Variants in PMPCB observed in about 807,000 individuals in gnomAD.
PMPCB encodes mitochondrial-processing peptidase subunit beta.
Under a neutral mutation model 61.5 loss-of-function variants are expected in PMPCB, and 46 were observed. That is an observed-to-expected ratio of 0.75 (90% CI 0.59 to 0.96). The LOEUF is 0.96. Ranked by LOEUF, PMPCB falls within the 40% of genes least tolerant of loss-of-function variation. The probability of loss-of-function intolerance (pLI) is 0.00; values close to 1 mark genes in which losing one functional copy is unlikely to be tolerated. For missense variants in PMPCB, 590 were observed against 602.4 expected (o/e 0.98, Z 0.22); for synonymous variants, 191 against 201.6 (o/e 0.95, Z 0.44).
intron 12 of PMPCB, among the ~76,000 whole-genome samples, chr7:103,323,152 A>G (rs1279875654): frequency 6.6e-6 from 1 of 151,824 alleles, no homozygotes; most frequent in Admixed American, 6.6e-5. Context: ...CTGGTCTCGC[A>G]CTCCTGACCT....
Position 103,300,282 on chromosome 7 carries a change from A to G in PMPCB, c.432A>G (p.Lys144=). ...TSREQTVYYA[K]AFSKDLPRAV... ...GAGAGCAGACTGTATACTATGCCAA[A>G]GCATTCTCTAAAGACTTGCCAAGAG... is the stretch of plus-strand genomic sequence containing the variant. The change falls in exon 4 of 13, where the codon AAA becomes AAG. Residue 144 remains lysine (K), a synonymous_variant. Coordinates refer to ENST00000249269, the MANE Select transcript of PMPCB (RefSeq NM_004279.3). 1 of 1,608,544 alleles carries G rather than the reference A, an allele frequency of 6.2e-7. No individual in the cohort carries two copies. The highest frequency in any genetic ancestry group is 1.3e-5 in the African/African-American group (1 of 74,890).
chr7:103,329,501 A>G (rs1443475230), exon 13 of PMPCB: 1 of 152,148 alleles, frequency 6.6e-6, no homozygotes, highest in African/African-American at 2.4e-5. Context: ...TTGACTGATC[A>G]TTTCTTTTGT....
intron 4 of PMPCB, among the ~76,000 whole-genome samples, chr7:103,302,288 A>G (rs1001607748): frequency 2.6e-5 from 4 of 152,164 alleles, no homozygotes; most frequent in African/African-American, 9.7e-5. Context: ...ACTTACTCTT[A>G]TTGGTAAGAA....
intron 12 of PMPCB, among the ~76,000 whole-genome samples, chr7:103,325,045 A>G (rs946846871): frequency 7.9e-5 from 12 of 152,158 alleles, no homozygotes; most frequent in Non-Finnish European, 1.5e-4. Flanking sequence ...TTCATTGATC[A>G]CTGGTGAAAA....
At position 103,297,528 on chromosome 7, in the gene PMPCB, G is replaced by C. The variant is rs1394430376; in HGVS notation, c.69G>C (p.Glu23Asp). ...AARRRLWGFSESLLIRGAAGR... is the reference protein window; with the variant it reads ...AARRRLWGFSDSLLIRGAAGR... ...GGCGGCGGCTCTGGGGTTTCAGCGA[G>C]AGTCTTCTAATCCGAGGCGCTGCGG... is the stretch of plus-strand genomic sequence containing the variant. Residue 23 changes from glutamate to aspartate, a missense_variant, in exon 1 of 13, where the codon GAG becomes GAC. By Grantham distance (45) the Glu-to-Asp change is conservative. Transcript: ENST00000249269. The C allele has an allele frequency of 1.9e-6, 3 of 1,605,356 alleles. No homozygotes were observed. Among genetic ancestry groups the C allele is most frequent in the Non-Finnish European group, 2.6e-6 (3 of 1,175,098 alleles).
chr7:103,302,506 C>G (rs1242100069), intron 4 of PMPCB, among the ~76,000 whole-genome samples: 3 of 152,190 alleles, frequency 2.0e-5, no homozygotes, highest in Non-Finnish European at 4.4e-5. Flanking sequence ...TCTTGTCCTT[C>G]CATTTGTCTA....
chr7:103,333,438 A>C (rs1460787918), downstream of PMPCB, among the ~76,000 whole-genome samples: 1 of 152,216 alleles, frequency 6.6e-6, no homozygotes, highest in African/African-American at 2.4e-5. Flanking sequence ...TAGGCTCAAA[A>C]GAATATATTT....
At chr7:103,321,312 T>C (rs1220109412) in intron 12 of PMPCB, among the ~76,000 whole-genome samples, 1 of 150,414 alleles carries the variant, frequency 6.6e-6, no homozygotes, top group Admixed American at 6.6e-5. Flanking sequence ...AGGTCAGGAG[T>C]TCAAGACCAG....
Position 103,303,932 on chromosome 7 carries a change from A to G in PMPCB, c.548A>G (p.Gln183Arg). ...RERGVILREM[Q>R]EVETNLQEVV... ...CGTGGAGTAATCCTTAGAGAGATGC[A>G]GGAAGTTGAAACCAATTTACAAGAA... Residue 183 changes from glutamine (Q) to arginine (R), a missense_variant, in exon 5 of 13, where the codon CAG (glutamine) becomes CGG (arginine). By Grantham distance (43) the Gln-to-Arg change is conservative. Coordinates refer to ENST00000249269, the MANE Select transcript of PMPCB (RefSeq NM_004279.3). The G allele has an allele frequency of 1.2e-6, 2 of 1,613,584 alleles. No homozygotes were observed. The highest frequency in any genetic ancestry group is 4.5e-5 in the East Asian group (2 of 44,862).
the PMPCB span, among the ~76,000 whole-genome samples, chr7:103,342,625 T>G: frequency 2.7e-5 from 4 of 150,814 alleles, no homozygotes; most frequent in African/African-American, 9.8e-5. Context: ...TTTTTTTTTT[T>G]TGGGACGGAG....
downstream of PMPCB, chr7:103,317,071 T>A: frequency 6.8e-7 from 1 of 1,460,908 alleles, no homozygotes; most frequent in South Asian, 1.2e-5. Context: ...TATTCTACAC[T>A]CTCTTCCTGG....
At chr7:103,301,673 A>T (rs1378355736) in intron 4 of PMPCB, among the ~76,000 whole-genome samples, 1 of 152,212 alleles carries the variant, frequency 6.6e-6, no homozygotes. Context: ...AGCAGCTCCA[A>T]CTTTGGGGAT....
chr7:103,340,925 C>T, the PMPCB span, among the ~76,000 whole-genome samples: 1 of 152,318 alleles, frequency 6.6e-6, no homozygotes, highest in Admixed American at 6.5e-5. Context: ...AACAGCACCT[C>T]CCACAAACAT....
chr7:103,323,879 T>A (rs1286398593), intron 12 of PMPCB, among the ~76,000 whole-genome samples: 1 of 152,224 alleles, frequency 6.6e-6, no homozygotes, highest in Non-Finnish European at 1.5e-5. Context: ...CGCCCTGCTA[T>A]CTCTTCTTTG....
At chr7:103,315,740 T>C, downstream of PMPCB, 1 of 1,526,714 alleles carries the variant, frequency 6.6e-7, no homozygotes, top group African/African-American at 1.4e-5. Context: ...TAGCATTTTC[T>C]ACGTTTAGAA....
intron 12 of PMPCB, among the ~76,000 whole-genome samples, chr7:103,322,330 A>G (rs1818466064): frequency 6.6e-6 from 1 of 152,206 alleles, no homozygotes; most frequent in Admixed American, 6.5e-5. Flanking sequence ...TTTTTGCTCA[A>G]TAAAAACGTG....
downstream of PMPCB, chr7:103,317,064 T>C (rs1205286086): frequency 2.0e-6 from 3 of 1,480,194 alleles, no homozygotes; most frequent in Non-Finnish European, 2.8e-6. Flanking sequence ...GTATTGCTAT[T>C]CTACACTCTC....
the PMPCB span, among the ~76,000 whole-genome samples, chr7:103,339,854 T>C: frequency 6.6e-6 from 1 of 152,122 alleles, no homozygotes; most frequent in Admixed American, 6.6e-5. Context: ...GCCCCTTTTT[T>C]TGAGATAGAG....
intron 12 of PMPCB, chr7:103,326,567 G>T (rs768898513): frequency 6.2e-7 from 1 of 1,613,856 alleles, no homozygotes; most frequent in South Asian, 1.1e-5. Context: ...AAACACTGGG[G>T]TAAACACTTC....
Sources: allele counts gnomAD v4.1 joint callset (sites outside exome capture counted in the v4.1 genomes callset), GRCh38; gene constraint gnomAD v4.1.1; transcripts MANE v1.5; gene names NCBI Gene and HGNC (gene_info 2026-07-23, HGNC 2026-07-21).